CADM2: variants seen among roughly 807,000 people sequenced by gnomAD.
CADM2 encodes cell adhesion molecule 2, also known as immunoglobulin superfamily member 4D.
In CADM2, 12 loss-of-function variants were observed where a neutral mutation model predicts 49.8. The ratio of observed to expected loss-of-function variants is 0.24; its 90% CI spans 0.15 to 0.39. The LOEUF (loss-of-function observed/expected upper bound fraction) is 0.39. Ranked by LOEUF, CADM2 falls within the 10% of genes least tolerant of loss-of-function variation. CADM2 has a pLI of 1.00. For synonymous variants in CADM2, 214 were observed against 175.4 expected (o/e 1.22, Z -1.74); for missense variants, 378 against 492.3 (o/e 0.77, Z 2.20).
At chr3:85,565,111 C>G (rs1486699559) in intron 1 of CADM2, among the ~76,000 whole-genome samples, 10 of 152,010 alleles carry the variant, frequency 6.6e-5, no homozygotes, top group Non-Finnish European at 2.9e-5. Flanking sequence ...GCCAATTTAT[C>G]CATACCTCAT....
intron 1 of CADM2, among the ~76,000 whole-genome samples, chr3:85,286,968 A>T (rs2043648219): frequency 6.6e-6 from 1 of 152,148 alleles, no homozygotes; most frequent in Non-Finnish European, 1.5e-5. Context: ...CAAAGGACCT[A>T]TCCATATTAT....
intron 1 of CADM2, among the ~76,000 whole-genome samples, chr3:85,298,092 C>G (rs17022685): frequency 5.3e-5 from 8 of 151,854 alleles, no homozygotes; most frequent in African/African-American, 1.9e-4. Context: ...CTCCTACATC[C>G]GTGTTTGCTG....
intron 1 of CADM2, among the ~76,000 whole-genome samples, chr3:85,488,121 T>A (rs1339480424): frequency 6.6e-6 from 1 of 152,174 alleles, no homozygotes; most frequent in Non-Finnish European, 1.5e-5. Flanking sequence ...AGAAATAAAA[T>A]TTTTCTGTAT....
intron 1 of CADM2, among the ~76,000 whole-genome samples, chr3:85,608,331 G>A (rs945445236): frequency 6.6e-6 from 1 of 151,922 alleles, no homozygotes; most frequent in Non-Finnish European, 1.5e-5. Flanking sequence ...AGTCGCTATG[G>A]GTAGATTTTG....
At chr3:85,921,046 G>A (rs1284261472) in intron 6 of CADM2, among the ~76,000 whole-genome samples, 1 of 151,834 alleles carries the variant, frequency 6.6e-6, no homozygotes, top group Admixed American at 6.6e-5. Context: ...ACAGATGTTA[G>A]TGAATGTTTT....
chr3:85,204,812 A>T (rs1162129980), intron 1 of CADM2, among the ~76,000 whole-genome samples: 1 of 152,110 alleles, frequency 6.6e-6, no homozygotes, highest in Non-Finnish European at 1.5e-5. Context: ...AATAATTTGT[A>T]CTACTATCTT....
At chr3:85,923,953 AT>A (rs1261799456) in intron 6 of CADM2, among the ~76,000 whole-genome samples, 1 of 152,094 alleles carries the variant, frequency 6.6e-6, no homozygotes, top group Non-Finnish European at 1.5e-5. Flanking sequence ...ATATATATCC[AT>A]TTTATTCTTA....
At chr3:85,672,348 A>G (rs971565641) in intron 1 of CADM2, among the ~76,000 whole-genome samples, 2 of 151,858 alleles carry the variant, frequency 1.3e-5, no homozygotes, top group African/African-American at 2.4e-5. Flanking sequence ...GCCCGCCACC[A>G]CGCCTGACTA....
chr3:85,226,722 A>G (rs1205349478), intron 1 of CADM2, among the ~76,000 whole-genome samples: 2 of 151,222 alleles, frequency 1.3e-5, no homozygotes, highest in East Asian at 3.9e-4. Flanking sequence ...TTGATGTTAG[A>G]TTGTCAGTTT....
At chr3:85,976,452 A>G (rs1038756232) in intron 8 of CADM2, among the ~76,000 whole-genome samples, 2 of 151,628 alleles carry the variant, frequency 1.3e-5, no homozygotes, top group African/African-American at 4.8e-5. Context: ...GTTGCTTCCC[A>G]TTAATATTCT....
At chr3:85,300,806 G>T (rs764457415) in intron 1 of CADM2, among the ~76,000 whole-genome samples, 12 of 152,066 alleles carry the variant, frequency 7.9e-5, no homozygotes. Context: ...TGTCGGATTG[G>T]GGGTCAAAGT....
chr3:85,384,517 T>C (rs2034102059), intron 1 of CADM2, among the ~76,000 whole-genome samples: 2 of 152,098 alleles, frequency 1.3e-5, no homozygotes, highest in Admixed American at 1.3e-4. Flanking sequence ...TTTCACCATG[T>C]TGGCCAGGCT....
At chr3:85,655,053 G>A (rs1339252112) in intron 1 of CADM2, among the ~76,000 whole-genome samples, 1 of 152,088 alleles carries the variant, frequency 6.6e-6, no homozygotes, top group Non-Finnish European at 1.5e-5. Flanking sequence ...AAAATTGTAA[G>A]GATTCTTATG....
rs569577836 is a variant in CADM2 at position 85,604,712 on chromosome 3, G to A, written c.62-121810G>A. 4.6e-5 allele frequency among the ~76,000 whole-genome samples: 7 copies of A among 151,674 alleles called. No homozygotes were observed. The East Asian group carries it at 7.8e-4, about 17-fold the overall frequency. ...TGTTGTCTGTTAATTAATTTCTGCC[G>A]AGATTCTACAATTCTTATATATCCT... On this transcript the variant is annotated intron_variant, in intron 1 of 9. Transcript: ENST00000383699.
intron 1 of CADM2, among the ~76,000 whole-genome samples, chr3:84,968,048 C>T (rs1165915935): frequency 6.6e-6 from 1 of 152,002 alleles, no homozygotes; most frequent in African/African-American, 2.4e-5. Flanking sequence ...ATACTTAACC[C>T]TTTCAGGAGG....
At chr3:85,595,099 T>G (rs1248780981) in intron 1 of CADM2, among the ~76,000 whole-genome samples, 1 of 152,024 alleles carries the variant, frequency 6.6e-6, no homozygotes, top group Non-Finnish European at 1.5e-5. Context: ...TTGCGTGCAT[T>G]TATTCTGCTA....
intron 8 of CADM2, among the ~76,000 whole-genome samples, chr3:86,009,786 AAAT>A (rs1201674958): frequency 5.3e-5 from 8 of 151,902 alleles, no homozygotes; most frequent in African/African-American, 1.9e-4. Flanking sequence ...TTTAATTGAC[AAAT>A]AATATATATT....
At chr3:85,429,641 C>A (rs2036576024) in intron 1 of CADM2, among the ~76,000 whole-genome samples, 1 of 151,818 alleles carries the variant, frequency 6.6e-6, no homozygotes, top group South Asian at 2.1e-4. Context: ...CCAATGTGTA[C>A]CAAACACTGG....
At chr3:85,250,678 G>C (rs1374370566) in intron 1 of CADM2, among the ~76,000 whole-genome samples, 1 of 151,572 alleles carries the variant, frequency 6.6e-6, no homozygotes, top group African/African-American at 2.4e-5. Flanking sequence ...TAAATGGTAA[G>C]TTAAATACAA....
Sources: gnomAD v4.1 joint callset for allele counts (sites outside exome capture counted in the v4.1 genomes callset) on GRCh38, gnomAD v4.1.1 for gene constraint, MANE v1.5 for transcripts, NCBI Gene and HGNC (gene_info 2026-07-23, HGNC 2026-07-21) for gene names.